SIMC1: variants seen among roughly 807,000 people sequenced by gnomAD.
SIMC1 encodes the protein SUMO-interacting motif-containing protein 1.
A neutral mutation model predicts 82.3 loss-of-function variants in SIMC1; 55 were observed. The ratio of observed to expected loss-of-function variants is 0.67; its 90% CI spans 0.54 to 0.84. The LOEUF is 0.84. Among genes scored for constraint, SIMC1 ranks in the 40% least tolerant of loss-of-function variants. The pLI is 0.00. For synonymous variants in SIMC1, 353 were observed against 426.3 expected (o/e 0.83, Z 2.12); for missense variants, 915 against 1,107.2 (o/e 0.83, Z 2.46).
chr5:176,249,345 C>A (rs914055194), intron 1 of SIMC1, among the ~76,000 whole-genome samples: 3 of 152,044 alleles, frequency 2.0e-5, no homozygotes, highest in Non-Finnish European at 2.9e-5. Flanking sequence ...GTGTATGTGT[C>A]CAGGACATTG....
chr5:176,273,852 G>A (rs1762558635), intron 1 of SIMC1, among the ~76,000 whole-genome samples: 2 of 152,032 alleles, frequency 1.3e-5, no homozygotes, highest in South Asian at 4.2e-4. Context: ...TTTTATGGCT[G>A]CATAGTATTC....
At chr5:176,340,621 T>C (rs78362361) in intron 9 of SIMC1, among the ~76,000 whole-genome samples, 7,342 of 152,276 alleles carry the variant, frequency 0.048, 583 homozygotes, top group African/African-American at 0.17. Context: ...AGATATCTAC[T>C]GAATGTCCTC....
intron 7 of SIMC1, 40 bp downstream of exon 7, chr5:176,324,797 A>G (rs1049343602): frequency 6.7e-7 from 1 of 1,502,958 alleles, no homozygotes; most frequent in Non-Finnish European, 8.9e-7. Context: ...TTATTTAAAA[A>G]AAAAACAAAA....
Position 176,321,939 on chromosome 5 carries a change from T to C in SIMC1, c.1890-334T>C, listed in dbSNP as rs1360469443. Among the ~76,000 whole-genome samples, 3 of 130,026 alleles carry C rather than the reference T, an allele frequency of 2.3e-5. No individual in the cohort carries two copies. The Admixed American group carries it at 2.9e-4, about 13-fold the overall frequency. 85.3% of individuals were successfully genotyped at this position (130,026 alleles called of 152,430 possible). ...TGGGTTCTTGCTGTGTTGCTCAGGC[T>C]GGTCTCAAACTCCTGGTCTCAAAAG... On this transcript the variant is annotated intron_variant, in intron 5 of 9. Transcript: ENST00000429602.
intron 5 of SIMC1, among the ~76,000 whole-genome samples, chr5:176,316,752 G>C (rs1052980059): frequency 6.6e-6 from 1 of 152,026 alleles, no homozygotes; most frequent in Admixed American, 6.6e-5. Context: ...CCAGCACTTT[G>C]GGAGGCCAAG....
chr5:176,321,104 T>A (rs953953654), intron 5 of SIMC1, among the ~76,000 whole-genome samples: 3 of 152,194 alleles, frequency 2.0e-5, no homozygotes, highest in African/African-American at 7.2e-5. Context: ...CATCATTTCA[T>A]TTCTTTCCTT....
chr5:176,250,712 G>T (rs1377716986), intron 1 of SIMC1, among the ~76,000 whole-genome samples: 1 of 152,156 alleles, frequency 6.6e-6, no homozygotes, highest in Non-Finnish European at 1.5e-5. Context: ...TTACCATTAT[G>T]TAATGGCCTT....
chr5:176,269,822 T>G (rs1288937360), intron 1 of SIMC1, among the ~76,000 whole-genome samples: 3 of 152,154 alleles, frequency 2.0e-5, no homozygotes, highest in Non-Finnish European at 4.4e-5. Context: ...CACAGCTGAC[T>G]GCAGCCTTGA....
intron 4 of SIMC1, among the ~76,000 whole-genome samples, chr5:176,305,548 G>T (rs1429210531): frequency 7.3e-5 from 10 of 137,606 alleles, no homozygotes; most frequent in African/African-American, 2.8e-4. Context: ...TCAGCCCCCC[G>T]CCTGGCCAGC....
At chr5:176,246,370 C>G (rs567168659) in intron 1 of SIMC1, among the ~76,000 whole-genome samples, 1 of 151,142 alleles carries the variant, frequency 6.6e-6, no homozygotes, top group African/African-American at 2.4e-5. Context: ...GATGTTTTCC[C>G]AAAAACATTG....
intron 5 of SIMC1, among the ~76,000 whole-genome samples, chr5:176,319,157 A>G (rs1765048716): frequency 6.6e-6 from 1 of 152,088 alleles, no homozygotes; most frequent in Admixed American, 6.5e-5. Context: ...GATTCTTTGT[A>G]TGTGCCCTGG....
chr5:176,242,388 A>AT (rs1761304653), intron 1 of SIMC1, among the ~76,000 whole-genome samples: 2 of 152,026 alleles, frequency 1.3e-5, no homozygotes, highest in Admixed American at 1.3e-4. Flanking sequence ...ATAAATTTTG[A>AT]TAAAGTTTAA....
chr5:176,252,305 G>A (rs1028057446), intron 1 of SIMC1, among the ~76,000 whole-genome samples: 9 of 152,022 alleles, frequency 5.9e-5, no homozygotes, highest in South Asian at 2.1e-4. Flanking sequence ...GCTGCCGGGC[G>A]GAGACGCTCC....
intron 9 of SIMC1, among the ~76,000 whole-genome samples, chr5:176,344,644 C>T (rs1766341699): frequency 6.6e-6 from 1 of 152,154 alleles, no homozygotes; most frequent in Non-Finnish European, 1.5e-5. Context: ...ACACGTTTTA[C>T]GTGGCCACAG....
rs1434012025 is a variant in SIMC1, at chr5:176,289,984, G to C, written c.460G>C (p.Val154Leu). The C allele has an allele frequency of 1.2e-6, 2 of 1,613,840 alleles. No individual in the cohort carries two copies. The highest frequency in any genetic ancestry group is 1.1e-5 in the South Asian group (1 of 91,070). The part of the protein sequence containing the change: ...PPATSISGGS[V>L]YPTEPNCSSA... ...CGCTACATCCATCAGTGGAGGCTCT[G>C]TTTATCCAACAGAGCCTAATTGTAG... is the stretch of plus-strand genomic sequence containing the variant. The change falls in exon 2 of 10, where the codon GTT becomes CTT. Residue 154 changes from valine (V) to leucine (L), a missense_variant. By Grantham distance (32) the Val-to-Leu change is conservative (BLOSUM62 1). Coordinates refer to ENST00000429602, the MANE Select transcript of SIMC1 (RefSeq NM_001308195.2).
At position 176,313,305 on chromosome 5, in the gene SIMC1, A is replaced by C. The variant is rs1384980212; in HGVS notation, c.1735-386A>C. The stretch of plus-strand genomic sequence containing the variant: ...GGTATATCCTGAGGTTGATAGGTTC[A>C]GTGAGAGGGAGAGATTGACTTCCCA... On this transcript the variant is annotated intron_variant, in intron 4 of 9. Coordinates refer to ENST00000429602, the MANE Select transcript of SIMC1 (RefSeq NM_001308195.2). The C allele has an allele frequency of 2.7e-6, 4 of 1,455,418 alleles. No homozygotes were observed. In the African/African-American group the frequency reaches 5.7e-5, roughly 21 times the overall value. The allele number at this position is 1,455,418 out of a possible 1,614,324, so 90.2% of individuals were successfully genotyped here.
At chr5:176,282,407 G>T (rs1763054557) in intron 1 of SIMC1, among the ~76,000 whole-genome samples, 1 of 152,246 alleles carries the variant, frequency 6.6e-6, no homozygotes, top group South Asian at 2.1e-4. Context: ...GCCTCGCCCT[G>T]CTTCGGCTCG....
chr5:176,263,479 A>T, intron 1 of SIMC1: 1 of 1,545,392 alleles, frequency 6.5e-7, no homozygotes, highest in South Asian at 1.2e-5. Context: ...GCTTCCAACC[A>T]TGGCAGAGGT....
Position 176,240,196 on chromosome 5 carries a change from A to G in SIMC1, c.129+1559A>G, listed in dbSNP as rs1581208207. Reference sequence around the variant, plus strand: ...TGAAGGCCTAATAGTGACTGAGATCATCAAGGAAAAGAGTAGAGAGAGAAA... The same window carrying G: ...TGAAGGCCTAATAGTGACTGAGATCGTCAAGGAAAAGAGTAGAGAGAGAAA... On this transcript the variant is annotated intron_variant, in intron 1 of 9. Transcript: ENST00000429602. 3.3e-5 allele frequency among the ~76,000 whole-genome samples: 3 copies of G among 91,448 alleles called. 1 individual carries two copies. The highest frequency in any genetic ancestry group is 3.1e-4 in the Admixed American group (3 of 9,662). The allele number at this position is 91,448 out of a possible 152,430, so 60.0% of individuals were successfully genotyped here. A position where few individuals can be genotyped will look rare whatever the true frequency, so the allele number is the denominator to read the frequency against.
Sources: allele counts gnomAD v4.1 joint callset (sites outside exome capture counted in the v4.1 genomes callset), GRCh38; gene constraint gnomAD v4.1.1; transcripts MANE v1.5; gene names NCBI Gene and HGNC (gene_info 2026-07-23, HGNC 2026-07-21).